GOLGA6L7: variants seen among roughly 807,000 people sequenced by gnomAD.
The protein encoded by GOLGA6L7 is golgin A6 family like 7, also known as golgin subfamily A member 6-like protein 7.
GOLGA6L7 carries 29 observed loss-of-function variants against 68.9 expected under a neutral mutation model. That is an observed-to-expected ratio of 0.42 (90% CI 0.31 to 0.57). The LOEUF is 0.57. GOLGA6L7 is among the 20% of genes least tolerant of loss of function. The pLI, the probability that GOLGA6L7 is intolerant of heterozygous loss-of-function variation, is 0.13. For missense variants in GOLGA6L7, 396 were observed against 588.4 expected (o/e 0.67, Z 3.38); for synonymous variants, 133 against 197.4 (o/e 0.67, Z 2.73).
In GOLGA6L7 at chr15:28,846,141, G is replaced by A. The variant is rs183481873; in HGVS notation, c.210+79C>T. Reference sequence around the variant, plus strand: ...TCCTCCCCAAGCTGGGAGTAGGCGAGACGAGACTGGGGCCTCTACATCTGA... The same window carrying A: ...TCCTCCCCAAGCTGGGAGTAGGCGAAACGAGACTGGGGCCTCTACATCTGA... On this transcript the variant is annotated intron_variant, in intron 3 of 8. Transcript: ENST00000567390. 5.9e-4 allele frequency: 425 copies of A among 717,744 alleles called. 5 individuals carry two copies. The African/African-American group carries it at 6.6e-3, about 11-fold the overall frequency. The allele number at this position is 717,744 out of a possible 1,614,324, so 44.5% of individuals were successfully genotyped here.
At chr15:28,844,161 G>A (rs60537830) in intron 7 of GOLGA6L7, 44 bp downstream of exon 7, 28,398 of 445,446 alleles carry the variant, frequency 0.064, 1,660 homozygotes, top group African/African-American at 0.2. Context: ...CACCACCCAC[G>A]CTAAGGGCTC....
chr15:28,846,096 G>A (rs892828100), intron 3 of GOLGA6L7, 124 bp downstream of exon 3: 1 of 732,634 alleles, frequency 1.4e-6, no homozygotes. Context: ...GGGATGGGGT[G>A]GAAGCTGGGA....
At chr15:28,847,333 A>T (rs1166156732) in intron 1 of GOLGA6L7, 141 bp from the exon 2 acceptor site, 62 of 513,502 alleles carry the variant, frequency 1.2e-4, no homozygotes, top group Non-Finnish European at 1.9e-4. Context: ...TCACTTAGTG[A>T]CTGAGAGGGA....
chr15:28,846,030 G>A (rs2030414557), intron 3 of GOLGA6L7, 80 bp from the exon 4 acceptor site: 10 of 911,572 alleles, frequency 1.1e-5, no homozygotes, highest in African/African-American at 1.7e-5. Context: ...CCCCAGAATG[G>A]CCCCACTGTC....
At position 28,842,666 on chromosome 15, in the gene GOLGA6L7, CCCCCATCTGCTCCTCCTGCTT is replaced by C. The variant is rs2030235522; in HGVS notation, c.1417_1437del (p.Lys473_Gly479del). ...TGCTCCCCCATCTGCTCCTCCTGCT[CCCCCATCTGCTCCTCCTGCTT>C]CCTCATCTGCTCCTCCTGCTCCCCC... On this transcript the variant is annotated inframe_deletion, in exon 9 of 9. Coordinates refer to ENST00000567390, the MANE Select transcript of GOLGA6L7 (RefSeq NM_001365371.2). 67 of 1,185,398 alleles carry C rather than the reference CCCCCATCTGCTCCTCCTGCTT, an allele frequency of 5.7e-5. No individual in the cohort carries two copies. The African/African-American group carries it at 1.2e-3, about 20-fold the overall frequency. The allele number at this position is 1,185,398 out of a possible 1,614,324, so 73.4% of individuals were successfully genotyped here. A position where few individuals can be genotyped will look rare whatever the true frequency, so the allele number is the denominator to read the frequency against.
At position 28,842,315 on chromosome 15, in the gene GOLGA6L7, G is replaced by A. The variant is rs1158666726; in HGVS notation, c.1789C>T (p.Arg597Cys). The A allele has an allele frequency of 7.3e-6, 9 of 1,230,824 alleles. No homozygotes were observed. Among genetic ancestry groups the A allele is most frequent in the Admixed American group, 4.2e-5 (1 of 23,720 alleles). The allele number at this position is 1,230,824 out of a possible 1,614,324, so 76.2% of individuals were successfully genotyped here. The change falls in exon 9 of 9, where the codon CGC becomes TGC. Residue 597 changes from arginine to cysteine, a missense_variant. Around this residue, in one of 5 missense-constraint regions of GOLGA6L7, gnomAD observed 125 missense variants for 163.3 expected, o/e 0.77. Transcript: ENST00000567390. Reference protein sequence around the residue: ...LPPGMKNAQERPGLGSTSCIP... With the variant: ...LPPGMKNAQECPGLGSTSCIP... Reference sequence around the variant, plus strand: ...CAGGAGGTGCTGCCTAAGCCTGGGCGCTCCTGGGCGTTCTTCATTCCAGGG... The same window carrying A: ...CAGGAGGTGCTGCCTAAGCCTGGGCACTCCTGGGCGTTCTTCATTCCAGGG...
rs1049096166 is a variant in GOLGA6L7 at position 28,842,522 on chromosome 15, G to C, written c.1582C>G (p.Arg528Gly). The change falls in exon 9 of 9, where the codon CGG becomes GGG. Residue 528 changes from arginine (R) to glycine (G), a missense_variant. This residue lies in a region of GOLGA6L7 where 125 missense variants were observed against 163.3 expected (regional missense o/e 0.77). Coordinates refer to ENST00000567390, the MANE Select transcript of GOLGA6L7 (RefSeq NM_001365371.2). ...EKIRRQVEKR[R>G]EKKERMGEQE... ...TCTCCCATCCTCTCCTTCTTCTCCC[G>C]CCTCTTCTCCACCTGCCTCCGGATC... 2.5e-6 allele frequency: 3 copies of C among 1,209,462 alleles called. No homozygotes were observed. The East Asian group carries it at 9.4e-5, about 38-fold the overall frequency. The allele number at this position is 1,209,462 out of a possible 1,614,324, so 74.9% of individuals were successfully genotyped here.
chr15:28,846,398 G>T, intron 2 of GOLGA6L7, 149 bp from the exon 3 acceptor site: 1 of 651,806 alleles, frequency 1.5e-6, no homozygotes, highest in Non-Finnish European at 2.7e-6. Context: ...TTTCCTTAAC[G>T]CCCAAAGAAA....
At chr15:28,848,153 G>A (rs988018997) in intron 1 of GOLGA6L7, among the ~76,000 whole-genome samples, 38 of 152,282 alleles carry the variant, frequency 2.5e-4, no homozygotes, top group African/African-American at 8.7e-4. Flanking sequence ...TCACCCTGGG[G>A]TGACTGGTGA....
chr15:28,844,519 C>T (rs1205195541), intron 6 of GOLGA6L7, among the ~76,000 whole-genome samples: 2 of 150,934 alleles, frequency 1.3e-5, no homozygotes, highest in Non-Finnish European at 2.9e-5. Flanking sequence ...CAACCTCCGC[C>T]TCCCGGCTTC....
At chr15:28,848,147 C>A (rs1363470212) in intron 1 of GOLGA6L7, among the ~76,000 whole-genome samples, 1 of 152,136 alleles carries the variant, frequency 6.6e-6, no homozygotes, top group Admixed American at 6.5e-5. Flanking sequence ...CCAAAGTCAC[C>A]CTGGGGTGAC....
chr15:28,845,125 T>TATAC, intron 6 of GOLGA6L7: 1 of 295,234 alleles, frequency 3.4e-6, no homozygotes, highest in South Asian at 2.9e-5. Context: ...AATACGTACG[T>TATAC]ACACACACAC....
intron 2 of GOLGA6L7, 52 bp from the exon 3 acceptor site, chr15:28,846,301 C>T (rs566449364): frequency 5.3e-6 from 4 of 755,550 alleles, no homozygotes; most frequent in Non-Finnish European, 9.6e-6. Flanking sequence ...CGACTCTATT[C>T]CCCAGGCCAG....
At chr15:28,845,695 T>C (rs774589754) in intron 5 of GOLGA6L7, 23 bp downstream of exon 5, 2 of 768,514 alleles carry the variant, frequency 2.6e-6, no homozygotes, top group South Asian at 2.7e-5. Context: ...GGTTGAAGGA[T>C]GACGGGGTGC....
chr15:28,845,976 G>A (rs1305459553), intron 3 of GOLGA6L7, 26 bp from the exon 4 acceptor site: 5 of 1,108,376 alleles, frequency 4.5e-6, no homozygotes, highest in East Asian at 2.5e-5. Context: ...GGAAGACAGA[G>A]CTCTTACTAG....
chr15:28,848,383 G>A (rs952437332), intron 1 of GOLGA6L7, 116 bp downstream of exon 1: 19 of 578,346 alleles, frequency 3.3e-5, no homozygotes, highest in Non-Finnish European at 5.6e-5. Context: ...AGAGGCACTG[G>A]GGGGGGCCCG....
chr15:28,843,973 G>A, intron 7 of GOLGA6L7, 98 bp from the exon 8 acceptor site: 1 of 625,628 alleles, frequency 1.6e-6, no homozygotes, highest in Non-Finnish European at 2.7e-6. Context: ...ACAGAACCGT[G>A]GCACTGGAAG....
At chr15:28,844,056 G>C (rs2030317746) in intron 7 of GOLGA6L7, 149 bp downstream of exon 7, 1 of 568,732 alleles carries the variant, frequency 1.8e-6, no homozygotes, top group Non-Finnish European at 3.1e-6. Flanking sequence ...TACCCCATGA[G>C]TCAGTGGCAC....
chr15:28,842,279 A>G lies in GOLGA6L7; in HGVS notation c.1825T>C (p.Phe609Leu). The change falls in exon 9 of 9, where the codon TTC (phenylalanine) becomes CTC (leucine). Residue 609 changes from phenylalanine (F) to leucine (L), a missense_variant. By Grantham distance (22) the Phe-to-Leu change is conservative (BLOSUM62 0). Coordinates refer to ENST00000567390, the MANE Select transcript of GOLGA6L7 (RefSeq NM_001365371.2). Reference sequence around the variant, plus strand: ...ATCTTTTTCTTGTCTCCTCCGTAGAAGAATGGGATGCAGGAGGTGCTGCCT... The same window carrying G: ...ATCTTTTTCTTGTCTCCTCCGTAGAGGAATGGGATGCAGGAGGTGCTGCCT... ...GLGSTSCIPF[F>L]YGGDKKKIKI... The G allele has an allele frequency of 9.8e-6, 12 of 1,230,220 alleles. No homozygotes were observed. The highest frequency in any genetic ancestry group is 1.2e-5 in the Non-Finnish European group (12 of 985,360). 76.2% of individuals were successfully genotyped at this position (1,230,220 alleles called of 1,614,324 possible).
Sources: gnomAD v4.1 joint callset for allele counts (sites outside exome capture counted in the v4.1 genomes callset) on GRCh38, gnomAD v4.1.1 for gene constraint, gnomAD v4.1.1 regional missense constraint, MANE v1.5 for transcripts, NCBI Gene and HGNC (gene_info 2026-07-23, HGNC 2026-07-21) for gene names.